FAM193A: variants seen among roughly 807,000 people sequenced by gnomAD.
The protein encoded by FAM193A is family with sequence similarity 193 member A.
Under a neutral mutation model 126.5 loss-of-function variants are expected in FAM193A, and 22 were observed. The observed-to-expected ratio is 0.17, with a 90% CI of 0.12 to 0.25. The LOEUF (loss-of-function observed/expected upper bound fraction) is 0.25. FAM193A is among the 10% of genes least tolerant of loss of function. The pLI is 1.00. For synonymous variants in FAM193A, 761 were observed against 646.8 expected (o/e 1.18, Z -2.68); for missense variants, 1,675 against 1,672.8 (o/e 1.00, Z -0.02).
At chr4:2,657,077 A>G (rs1303172547) in intron 7 of FAM193A, among the ~76,000 whole-genome samples, 1 of 152,196 alleles carries the variant, frequency 6.6e-6, no homozygotes, top group Non-Finnish European at 1.5e-5. Context: ...CTGAAGCACA[A>G]GAATCGCTTG....
intron 1 of FAM193A, among the ~76,000 whole-genome samples, chr4:2,587,263 G>C (rs1198047710): frequency 6.6e-6 from 1 of 152,178 alleles, no homozygotes; most frequent in Non-Finnish European, 1.5e-5. Context: ...AAGAGAGATG[G>C]GAAAGGAGGT....
chr4:2,628,162 GC>G (rs1743168419), intron 4 of FAM193A, among the ~76,000 whole-genome samples: 1 of 152,186 alleles, frequency 6.6e-6, no homozygotes, highest in South Asian at 2.1e-4. Context: ...GGGATTACAG[GC>G]GTGAGCCACC....
At position 2,676,146 on chromosome 4, in the gene FAM193A, G is replaced by A. The variant is rs961865473; in HGVS notation, c.2331+3774G>A. ...TTGTTTGGGGTGTGTACCCGGAAGTGGAATTGCTAGATCATATGGTAATTG... is the reference window on the plus strand; with the variant it reads ...TTGTTTGGGGTGTGTACCCGGAAGTAGAATTGCTAGATCATATGGTAATTG... On this transcript the variant is annotated intron_variant, in intron 13 of 20. Coordinates refer to ENST00000637812, the MANE Select transcript of FAM193A (RefSeq NM_001366318.2). 3.9e-5 allele frequency among the ~76,000 whole-genome samples: 6 copies of A among 152,296 alleles called. No individual in the cohort carries two copies. The East Asian group carries it at 1.2e-3, about 29-fold the overall frequency.
intron 12 of FAM193A, among the ~76,000 whole-genome samples, chr4:2,669,531 C>T (rs1713546894): frequency 6.6e-6 from 1 of 152,154 alleles, no homozygotes. Context: ...ATTGCTTGAA[C>T]CCGGGAGGCA....
chr4:2,706,056 A>T lies in FAM193A; in HGVS notation c.4372+5512A>T, dbSNP rs550190559. Among the ~76,000 whole-genome samples, 209 of 152,078 alleles carry T rather than the reference A, an allele frequency of 1.4e-3. 2 individuals carry two copies. The highest frequency in any genetic ancestry group is 9.2e-4 in the African/African-American group (38 of 41,492). ...CCCCATCTCTACAGATATTTTTTTT[A>T]AAATAGCAGGGCATGGTGGTGCACA... On this transcript the variant is annotated intron_variant, in intron 19 of 20. Transcript: ENST00000637812.
intron 12 of FAM193A, among the ~76,000 whole-genome samples, chr4:2,671,878 T>G (rs1011635697): frequency 6.6e-6 from 1 of 152,190 alleles, no homozygotes; most frequent in Non-Finnish European, 1.5e-5. Flanking sequence ...TCAGAACCAG[T>G]GGCTCTACCT....
intron 19 of FAM193A, among the ~76,000 whole-genome samples, chr4:2,705,155 C>A (rs1718167294): frequency 6.6e-6 from 1 of 152,236 alleles, no homozygotes; most frequent in Non-Finnish European, 1.5e-5. Context: ...CACAATCCGC[C>A]TGTCTTGGCC....
At position 2,553,993 on chromosome 4, in the gene FAM193A, C is replaced by CT. The variant is rs951859572; in HGVS notation, c.255+16831dup. On this transcript the variant is annotated intron_variant, in intron 1 of 20. Transcript: ENST00000637812. ...CCAGGCATGTGGAACTCTTTTTAAA[C>CT]TTTTTTTTCCCAGTCTTGGGTATGT... is the stretch of plus-strand genomic sequence containing the variant. 5.9e-5 allele frequency among the ~76,000 whole-genome samples: 9 copies of CT among 152,116 alleles called. No individual in the cohort carries two copies. The South Asian group carries it at 1.0e-3, about 18-fold the overall frequency.
chr4:2,537,595 C>T (rs978425436), intron 1 of FAM193A, among the ~76,000 whole-genome samples: 3 of 152,274 alleles, frequency 2.0e-5, no homozygotes, highest in African/African-American at 4.8e-5. Flanking sequence ...CCCGCTGCGG[C>T]GGTTCCAGAG....
chr4:2,688,743 C>T (rs1315420137), intron 13 of FAM193A, among the ~76,000 whole-genome samples: 4 of 152,240 alleles, frequency 2.6e-5, no homozygotes, highest in Non-Finnish European at 4.4e-5. Context: ...TGTTGCACTG[C>T]GCCACTGTGA....
At chr4:2,687,289 T>C (rs1715853573) in intron 13 of FAM193A, among the ~76,000 whole-genome samples, 1 of 152,206 alleles carries the variant, frequency 6.6e-6, no homozygotes, top group Admixed American at 6.5e-5. Flanking sequence ...AAGACTATTG[T>C]CCTAGAAAAT....
intron 2 of FAM193A, among the ~76,000 whole-genome samples, chr4:2,611,666 T>C (rs2108944077): frequency 6.6e-6 from 1 of 152,324 alleles, no homozygotes; most frequent in Admixed American, 6.5e-5. Context: ...TCAGATCTTC[T>C]GCTCATTTTT....
intron 13 of FAM193A, among the ~76,000 whole-genome samples, chr4:2,683,417 C>T (rs1715384176): frequency 6.6e-6 from 1 of 152,112 alleles, no homozygotes; most frequent in South Asian, 2.1e-4. Flanking sequence ...GTCTCAGCCT[C>T]CCAGGTAGCT....
intron 2 of FAM193A, among the ~76,000 whole-genome samples, chr4:2,598,968 C>T (rs920044799): frequency 2.6e-5 from 4 of 152,224 alleles, no homozygotes; most frequent in African/African-American, 9.6e-5. Context: ...GGCAGCCAGA[C>T]TCTGCCTTGT....
chr4:2,550,123 G>C (rs1737820881), intron 1 of FAM193A, among the ~76,000 whole-genome samples: 2 of 150,164 alleles, frequency 1.3e-5, no homozygotes, highest in South Asian at 4.2e-4. Flanking sequence ...TGCAACCTCT[G>C]CCACCTGAGT....
At chr4:2,684,022 C>G (rs1715451456) in intron 13 of FAM193A, among the ~76,000 whole-genome samples, 1 of 152,186 alleles carries the variant, frequency 6.6e-6, no homozygotes, top group Non-Finnish European at 1.5e-5. Flanking sequence ...TTCTTCCCAT[C>G]TCTCTGCTCA....
chr4:2,606,449 T>A (rs895622882), intron 2 of FAM193A, among the ~76,000 whole-genome samples: 1 of 152,230 alleles, frequency 6.6e-6, no homozygotes, highest in African/African-American at 2.4e-5. Context: ...ATTGAAGTAT[T>A]TGAAGAAATA....
In FAM193A at chr4:2,732,112, C is replaced by T. The variant is rs1051165351; in HGVS notation, c.*244C>T. On this transcript the variant is annotated 3_prime_UTR_variant, in exon 21 of 21. Coordinates refer to ENST00000637812, the MANE Select transcript of FAM193A (RefSeq NM_001366318.2). Reference sequence around the variant, plus strand: ...GCTGTCGGATTGGAACAGTAGTTCCCGCCAAGTCCTCCCACCACCGCGGCC... The same window carrying T: ...GCTGTCGGATTGGAACAGTAGTTCCTGCCAAGTCCTCCCACCACCGCGGCC... 11 of 532,442 alleles carry T rather than the reference C, an allele frequency of 2.1e-5. No individual in the cohort carries two copies. The highest frequency in any genetic ancestry group is 5.1e-4 in the Middle Eastern group (1 of 1,950). The allele number at this position is 532,442 out of a possible 1,614,324, so 33.0% of individuals were successfully genotyped here. A position where few individuals can be genotyped will look rare whatever the true frequency, so the allele number is the denominator to read the frequency against.
intron 13 of FAM193A, 48 bp downstream of exon 13, chr4:2,672,420 C>G (rs1366066717): frequency 6.2e-7 from 1 of 1,601,640 alleles, no homozygotes; most frequent in East Asian, 2.2e-5. Context: ...CACTGAGATC[C>G]TACAGGAGTA....
Sources: allele counts gnomAD v4.1 joint callset (sites outside exome capture counted in the v4.1 genomes callset), GRCh38; gene constraint gnomAD v4.1.1; transcripts MANE v1.5; gene names NCBI Gene and HGNC (gene_info 2026-07-23, HGNC 2026-07-21).